The following NME7 variants were observed in gnomAD, a reference collection of about 807,000 sequenced individuals.
NME7 encodes the protein NME/NM23 family member 7.
In NME7, 41 loss-of-function variants were observed where a neutral mutation model predicts 49.1. The ratio of observed to expected loss-of-function variants is 0.83; its 90% CI spans 0.65 to 1.08. The LOEUF (loss-of-function observed/expected upper bound fraction) is 1.08, where lower values mean the gene tolerates loss of function less well. Among genes scored for constraint, NME7 ranks in the 50% least tolerant of loss-of-function variants. The probability of loss-of-function intolerance (pLI) is 0.00; values close to 1 mark genes in which losing one functional copy is unlikely to be tolerated. For missense variants in NME7, 423 were observed against 463.4 expected, an observed-to-expected ratio of 0.91 and a Z score of 0.80; for synonymous variants, 139 against 150.6, an observed-to-expected ratio of 0.92 and a Z score of 0.56.
rs114205635 is a variant in NME7 at position 169,313,028 on chromosome 1, A to C, written c.279-2948T>G. 2.0e-3 allele frequency among the ~76,000 whole-genome samples: 303 copies of C among 152,284 alleles called. 4 individuals are homozygous for C. The highest frequency in any genetic ancestry group is 7.1e-3 in the African/African-American group (294 of 41,558). On this transcript the variant is annotated intron_variant, in intron 3 of 11. Coordinates refer to ENST00000367811, the MANE Select transcript of NME7 (RefSeq NM_013330.5). ...CCCATGGATAAAGGAAAACTGTCTC[A>C]AATGAGGCACCTGTAATTTGGTGGA... is the stretch of plus-strand genomic sequence containing the variant.
At chr1:169,151,358 C>T (rs1349372993) in intron 11 of NME7, among the ~76,000 whole-genome samples, 2 of 152,182 alleles carry the variant, frequency 1.3e-5, no homozygotes, top group South Asian at 2.1e-4. Context: ...GAAGAGGCCT[C>T]GAGGGGATGG....
intron 6 of NME7, among the ~76,000 whole-genome samples, chr1:169,292,855 T>C (rs1650562543): frequency 6.6e-6 from 1 of 152,158 alleles, no homozygotes; most frequent in Non-Finnish European, 1.5e-5. Flanking sequence ...AGAAAGGGAA[T>C]AATTCAAGAA....
rs1265995124 is a variant in NME7, at chr1:169,132,578, G to C, written c.*207C>G. On this transcript the variant is annotated 3_prime_UTR_variant, in exon 12 of 12. Coordinates refer to ENST00000367811, the MANE Select transcript of NME7 (RefSeq NM_013330.5). Reference sequence around the variant, plus strand: ...TTTGAACTTTATAAAAAGCAATGCAGTACCCCATAGACTGGTGTTAAATGT... The same window carrying C: ...TTTGAACTTTATAAAAAGCAATGCACTACCCCATAGACTGGTGTTAAATGT... 1.3e-5 allele frequency: 6 copies of C among 466,304 alleles called. No homozygotes were observed. Among genetic ancestry groups the C allele is most frequent in the Non-Finnish European group, 2.3e-5 (6 of 265,540 alleles). 28.9% of individuals were successfully genotyped at this position (466,304 alleles called of 1,614,324 possible). A position where few individuals can be genotyped will look rare whatever the true frequency, so the allele number is the denominator to read the frequency against.
chr1:169,200,292 T>C (rs1557984857), intron 10 of NME7, among the ~76,000 whole-genome samples: 1 of 152,072 alleles, frequency 6.6e-6, no homozygotes, highest in Non-Finnish European at 1.5e-5. Context: ...AGATAAGCAA[T>C]TATTTCCAAG....
At chr1:169,178,837 T>G (rs1659843272) in intron 10 of NME7, among the ~76,000 whole-genome samples, 1 of 145,432 alleles carries the variant, frequency 6.9e-6, no homozygotes, top group South Asian at 2.2e-4. Flanking sequence ...TTTTTTTTTT[T>G]TGAGACAGAG....
At chr1:169,339,425 C>G (rs1444602725) in intron 1 of NME7, among the ~76,000 whole-genome samples, 3 of 152,100 alleles carry the variant, frequency 2.0e-5, no homozygotes. Flanking sequence ...AATTCTGGGT[C>G]TAATTATAAT....
intron 4 of NME7, 99 bp from the exon 5 acceptor site, chr1:169,303,294 T>C (rs1651021600): frequency 6.4e-6 from 3 of 469,692 alleles, no homozygotes; most frequent in Non-Finnish European, 7.3e-6. Context: ...CCTCTCAATT[T>C]ATACTAATTT....
chr1:169,180,349 C>T (rs978142442), intron 10 of NME7, among the ~76,000 whole-genome samples: 7 of 152,194 alleles, frequency 4.6e-5, no homozygotes, highest in Admixed American at 3.9e-4. Context: ...AGGAATCCCA[C>T]AAATCCCCTT....
chr1:169,173,873 T>C (rs985427436), intron 10 of NME7, among the ~76,000 whole-genome samples: 2 of 152,212 alleles, frequency 1.3e-5, no homozygotes, highest in Non-Finnish European at 2.9e-5. Context: ...TTTCATCTAA[T>C]ACCATAAATA....
intron 10 of NME7, among the ~76,000 whole-genome samples, chr1:169,220,024 A>C (rs145720953): frequency 6.6e-6 from 1 of 152,254 alleles, no homozygotes; most frequent in Non-Finnish European, 1.5e-5. Flanking sequence ...CCTTCATGAA[A>C]GATTTTCACA....
In NME7 at chr1:169,169,475, G is replaced by GT. The variant is rs1416623220; in HGVS notation, c.1069dup (p.Thr357AsnfsTer2). 6.2e-7 allele frequency: 1 copy of GT among 1,613,796 alleles called. No individual in the cohort carries two copies. Among genetic ancestry groups the GT allele is most frequent in the East Asian group, 2.2e-5 (1 of 44,880 alleles). ...TAATAGGCCATCCTCTGGCAGATCA[G>GT]TACAGTGAACAGCATTCTGGATCTT... is the stretch of plus-strand genomic sequence containing the variant. On this transcript the variant is annotated frameshift_variant, in exon 11 of 12. Coordinates refer to ENST00000367811, the MANE Select transcript of NME7 (RefSeq NM_013330.5). LOFTEE classifies it high-confidence loss of function.
At position 169,269,862 on chromosome 1, in the gene NME7, T is replaced by C. The variant is rs910194020; in HGVS notation, c.754+17441A>G. On this transcript the variant is annotated intron_variant, in intron 7 of 11. Transcript: ENST00000367811. ...TTCTTTGAAACATTCTCCATGAAAA[T>C]AGAATTATTTTTTACAACCAAAACA... Among the ~76,000 whole-genome samples, 3 of 133,720 alleles carry C rather than the reference T, an allele frequency of 2.2e-5. 1 individual carries two copies. The highest frequency in any genetic ancestry group is 3.5e-5 in the Non-Finnish European group (2 of 56,886). 87.7% of individuals were successfully genotyped at this position (133,720 alleles called of 152,430 possible). A position where few individuals can be genotyped will look rare whatever the true frequency, so the allele number is the denominator to read the frequency against.
In NME7 at chr1:169,258,390, A is replaced by G. The variant is rs866233624; in HGVS notation, c.755-20703T>C. Among the ~76,000 whole-genome samples, 855 of 86,612 alleles carry G rather than the reference A, an allele frequency of 9.9e-3. 87 individuals are homozygous for G. Among genetic ancestry groups the G allele is most frequent in the African/African-American group, 0.035 (802 of 23,044 alleles). 56.8% of individuals were successfully genotyped at this position (86,612 alleles called of 152,430 possible). ...TAAAATAAAACATATATATATATATATATATATATATATATACACACACAC... is the reference window on the plus strand; with the variant it reads ...TAAAATAAAACATATATATATATATGTATATATATATATATACACACACAC... On this transcript the variant is annotated intron_variant, in intron 7 of 11. Transcript: ENST00000367811.
intron 11 of NME7, among the ~76,000 whole-genome samples, chr1:169,139,848 AAGAT>A (rs1460861572): frequency 1.3e-5 from 2 of 152,204 alleles, no homozygotes; most frequent in Non-Finnish European, 2.9e-5. Flanking sequence ...TTTGAAAACT[AAGAT>A]AGTAAACAGA....
chr1:169,345,488 C>T lies in NME7; in HGVS notation c.4-20988G>A, dbSNP rs12745541. ...CTCAAGTGATTCTCTAACTTTGCCT[C>T]CCTAAGTGCTGGGATTACATGAGTG... On this transcript the variant is annotated intron_variant, in intron 1 of 11. Coordinates refer to ENST00000367811, the MANE Select transcript of NME7 (RefSeq NM_013330.5). Among the ~76,000 whole-genome samples the T allele has an allele frequency of 0.056, 8,507 of 152,126 alleles. 1,393 individuals are homozygous for T. In the East Asian group the frequency reaches 0.67, roughly 12 times the overall value.
Position 169,349,545 on chromosome 1 carries a change from TAAAC to T in NME7, c.3+18159_3+18162del, listed in dbSNP as rs1432373292. Among the ~76,000 whole-genome samples the T allele has an allele frequency of 2.6e-5, 4 of 152,326 alleles. No individual in the cohort carries two copies. In the East Asian group the frequency reaches 7.7e-4, roughly 29 times the overall value. On this transcript the variant is annotated intron_variant, in intron 1 of 11. Transcript: ENST00000367811. ...TCTAACAAATTACATAACAGTATCT[TAAAC>T]AATTAAAAACAATAATTTAAAAAAT...
At chr1:169,353,533 G>A (rs1219873424) in intron 1 of NME7, among the ~76,000 whole-genome samples, 3 of 152,002 alleles carry the variant, frequency 2.0e-5, no homozygotes, top group Non-Finnish European at 4.4e-5. Context: ...GGCAACCAAA[G>A]CAATCATGGA....
chr1:169,330,370 G>T (rs1652207942), intron 1 of NME7, among the ~76,000 whole-genome samples: 1 of 152,120 alleles, frequency 6.6e-6, no homozygotes, highest in Admixed American at 6.6e-5. Context: ...TCTCACACCA[G>T]TCAGAATGGC....
rs578029818 is a variant in NME7 at position 169,279,566 on chromosome 1, C to A, written c.754+7737G>T. Among the ~76,000 whole-genome samples, 22 of 152,292 alleles carry A rather than the reference C, an allele frequency of 1.4e-4. No homozygotes were observed. The South Asian group carries it at 2.1e-3, about 14-fold the overall frequency. On this transcript the variant is annotated intron_variant, in intron 7 of 11. Coordinates refer to ENST00000367811, the MANE Select transcript of NME7 (RefSeq NM_013330.5). ...AAGCACAGTATTTGGGTGGGAGTGA[C>A]CCGATTTTCCAGGTGCCGTCTGTCA...
Sources: allele counts gnomAD v4.1 joint callset (sites outside exome capture counted in the v4.1 genomes callset), GRCh38; gene constraint gnomAD v4.1.1; transcripts MANE v1.5; gene names NCBI Gene and HGNC (gene_info 2026-07-23, HGNC 2026-07-21).